Variants in RADIL observed in about 807,000 individuals in gnomAD.
The protein encoded by RADIL is Rap associating with DIL domain.
Under a neutral mutation model 97.6 loss-of-function variants are expected in RADIL, and 99 were observed. The ratio of observed to expected loss-of-function variants is 1.01; its 90% CI spans 0.86 to 1.20. The LOEUF (loss-of-function observed/expected upper bound fraction) is 1.20. Ranked by LOEUF, RADIL falls within the 50% of genes most tolerant of loss-of-function variation. The probability of loss-of-function intolerance (pLI) is 0.00; values close to 1 mark genes in which losing one functional copy is unlikely to be tolerated. For synonymous variants in RADIL, 803 were observed against 691.8 expected (o/e 1.16, Z -2.52); for missense variants, 1,765 against 1,498.9 (o/e 1.18, Z -2.93).
chr7:4,864,324 C>G (rs1368130585), intron 2 of RADIL, among the ~76,000 whole-genome samples: 1 of 152,216 alleles, frequency 6.6e-6, no homozygotes, highest in Non-Finnish European at 1.5e-5. Context: ...TACTTGACCT[C>G]TAAATGTTGG....
intron 12 of RADIL, among the ~76,000 whole-genome samples, chr7:4,801,078 G>A (rs114490590): frequency 0.013 from 2,008 of 151,786 alleles, 45 homozygotes; most frequent in African/African-American, 0.046. Flanking sequence ...CCATGCACAC[G>A]TGCACTTACA....
Position 4,880,328 on chromosome 7 carries a change from C to T in RADIL, c.-64-2125G>A, listed in dbSNP as rs1337198315. On this transcript the variant is annotated intron_variant, in intron 1 of 14. Coordinates refer to ENST00000399583, the MANE Select transcript of RADIL (RefSeq NM_018059.5). The surrounding 1 kb of genome is among the most constrained non-coding windows in gnomAD (Gnocchi z 4.5). The stretch of plus-strand genomic sequence containing the variant: ...GCTTCCCCCACGGACTCATCAAAGG[C>T]CTCGGTTTCATTTACAACAAAAGCA... Among the ~76,000 whole-genome samples the T allele has an allele frequency of 6.6e-6, 1 of 152,162 alleles. No individual in the cohort carries two copies. The highest frequency in any genetic ancestry group is 1.5e-5 in the Non-Finnish European group (1 of 68,032).
rs1782719280 is a variant in RADIL, at chr7:4,817,869, G to A, written c.1616-518C>T. Among the ~76,000 whole-genome samples, 1 of 152,180 alleles carries A rather than the reference G, an allele frequency of 6.6e-6. No individual in the cohort carries two copies. On this transcript the variant is annotated intron_variant, in intron 6 of 14. Coordinates refer to ENST00000399583, the MANE Select transcript of RADIL (RefSeq NM_018059.5). This position sits in a 1 kb window ranked among gnomAD's most constrained non-coding sequence, Gnocchi z 8.3. ...CGGGGCGGCTGGAGCTGAGGCTGGG[G>A]GGAGCTGCCCACGGAGTGGTTCCTG...
At chr7:4,846,424 C>T (rs1251228931) in intron 2 of RADIL, among the ~76,000 whole-genome samples, 1 of 151,810 alleles carries the variant, frequency 6.6e-6, no homozygotes, top group Non-Finnish European at 1.5e-5. Flanking sequence ...GGATTACAGG[C>T]GTGAGCCACC....
Position 4,823,796 on chromosome 7 carries a change from G to C in RADIL, c.1455-1242C>G, listed in dbSNP as rs1389571427. Among the ~76,000 whole-genome samples, 3 of 152,216 alleles carry C rather than the reference G, an allele frequency of 2.0e-5. No individual in the cohort carries two copies. The East Asian group carries it at 5.8e-4, about 29-fold the overall frequency. ...CTTCTAGTGTCCTCAGCAGCCTCTT[G>C]GAACGTCTGAGGGGTGGACGTGGCA... On this transcript the variant is annotated intron_variant, in intron 5 of 14. Transcript: ENST00000399583.
rs984214859 is a variant in RADIL at position 4,854,071 on chromosome 7, G to A, written c.536-17466C>T. On this transcript the variant is annotated intron_variant, in intron 2 of 14. Coordinates refer to ENST00000399583, the MANE Select transcript of RADIL (RefSeq NM_018059.5). The surrounding 1 kb of genome is among the most constrained non-coding windows in gnomAD (Gnocchi z 5.1). ...TGCAGGTACACCTTTGCCATTCCCC[G>A]TCTTCCTTCTTTCTTCCTGCCTTAA... Among the ~76,000 whole-genome samples the A allele has an allele frequency of 1.3e-5, 2 of 152,144 alleles. No homozygotes were observed. Among genetic ancestry groups the A allele is most frequent in the Non-Finnish European group, 2.9e-5 (2 of 68,038 alleles).
At chr7:4,828,000 C>T (rs750987065) in intron 5 of RADIL, among the ~76,000 whole-genome samples, 15 of 152,046 alleles carry the variant, frequency 9.9e-5, no homozygotes, top group Non-Finnish European at 1.8e-4. Flanking sequence ...CACTAATTCT[C>T]GGGGAGATGC....
At chr7:4,811,383 A>G (rs1782540111) in intron 9 of RADIL, 2 of 148,866 alleles carry the variant, frequency 1.3e-5, no homozygotes, top group South Asian at 2.1e-4. Flanking sequence ...CCCCTTTTCG[A>G]GTTTTGCTGT....
At position 4,834,928 on chromosome 7, in the gene RADIL, G is replaced by A. The variant is rs1392145101; in HGVS notation, c.1095C>T (p.Pro365=). 9 of 1,579,588 alleles carry A rather than the reference G, an allele frequency of 5.7e-6. No individual in the cohort carries two copies. The highest frequency in any genetic ancestry group is 4.3e-6 in the Non-Finnish European group (5 of 1,163,550). ...FKDPAQAQPL[P]ARALARLRAV... ...CCCGGAGGCGCGCCAAGGCCCGGGC[G>A]GGCAGGGGCTGGGCCTGCGCGGGGT... The change falls in exon 4 of 15, where the codon CCC becomes CCT. Residue 365 remains proline (P), a synonymous_variant. Transcript: ENST00000399583. This position sits in a 1 kb window ranked among gnomAD's most constrained non-coding sequence, Gnocchi z 6.0.
rs920001143 is a variant in RADIL, at chr7:4,842,564, A to G, written c.536-5959T>C. Reference sequence around the variant, plus strand: ...GGACAAGCAGCTGGTGACCGTCACCAGCTCCCACGGACTCTGAACAGCCCT... The same window carrying G: ...GGACAAGCAGCTGGTGACCGTCACCGGCTCCCACGGACTCTGAACAGCCCT... On this transcript the variant is annotated intron_variant, in intron 2 of 14. Transcript: ENST00000399583. The surrounding 1 kb of genome is among the most constrained non-coding windows in gnomAD (Gnocchi z 4.5). 3.3e-5 allele frequency among the ~76,000 whole-genome samples: 5 copies of G among 152,162 alleles called. No individual in the cohort carries two copies. Among genetic ancestry groups the G allele is most frequent in the Admixed American group, 6.5e-5 (1 of 15,286 alleles).
At chr7:4,831,445 C>G (rs939823315) in intron 5 of RADIL, among the ~76,000 whole-genome samples, 6 of 151,848 alleles carry the variant, frequency 4.0e-5, no homozygotes, top group Non-Finnish European at 8.8e-5. Flanking sequence ...AGGCTTAATA[C>G]CTGGGTGATG....
Position 4,880,090 on chromosome 7 carries a change from G to T in RADIL, c.-64-1887C>A, listed in dbSNP as rs1187855998. On this transcript the variant is annotated intron_variant, in intron 1 of 14. Transcript: ENST00000399583. This position sits in a 1 kb window ranked among gnomAD's most constrained non-coding sequence, Gnocchi z 4.5. Reference sequence around the variant, plus strand: ...AGCCCACTGCGGACACTTCACCACGGCAAAGGCTTTCGCTGTGCCTGGCTT... The same window carrying T: ...AGCCCACTGCGGACACTTCACCACGTCAAAGGCTTTCGCTGTGCCTGGCTT... Among the ~76,000 whole-genome samples the T allele has an allele frequency of 6.6e-6, 1 of 152,176 alleles. No homozygotes were observed. The highest frequency in any genetic ancestry group is 1.5e-5 in the Non-Finnish European group (1 of 68,050).
At chr7:4,843,754 A>C (rs1212151873) in intron 2 of RADIL, among the ~76,000 whole-genome samples, 2 of 152,124 alleles carry the variant, frequency 1.3e-5, no homozygotes, top group Non-Finnish European at 2.9e-5. Context: ...TCTACCAAAA[A>C]TACAAAAATT....
Position 4,879,443 on chromosome 7 carries a change from T to C in RADIL, c.-64-1240A>G, listed in dbSNP as rs1311766273. Among the ~76,000 whole-genome samples, 2 of 152,178 alleles carry C rather than the reference T, an allele frequency of 1.3e-5. No homozygotes were observed. The highest frequency in any genetic ancestry group is 2.9e-5 in the Non-Finnish European group (2 of 68,028). ...CTGCGCACACATCTCCCCATTACTG[T>C]ACCCCACTTCCGTGCTCATGTTCTC... On this transcript the variant is annotated intron_variant, in intron 1 of 14. Coordinates refer to ENST00000399583, the MANE Select transcript of RADIL (RefSeq NM_018059.5). The surrounding 1 kb of genome is among the most constrained non-coding windows in gnomAD (Gnocchi z 4.1).
At chr7:4,861,602 T>C (rs769113698) in intron 2 of RADIL, 2 of 1,612,020 alleles carry the variant, frequency 1.2e-6, no homozygotes, top group South Asian at 1.1e-5. Flanking sequence ...TACCAGATTA[T>C]TTAATTTTTC....
At chr7:4,843,134 G>A (rs1435703117) in intron 2 of RADIL, among the ~76,000 whole-genome samples, 1 of 151,372 alleles carries the variant, frequency 6.6e-6, no homozygotes, top group Admixed American at 6.6e-5. Flanking sequence ...AGTCTCCCGA[G>A]TAGCTAGGAT....
At chr7:4,838,197 G>A (rs867295417) in intron 2 of RADIL, 23 of 277,658 alleles carry the variant, frequency 8.3e-5, no homozygotes, top group Admixed American at 3.2e-4. Context: ...CCAGCAGGTG[G>A]GGCCCAGTTC....
intron 2 of RADIL, among the ~76,000 whole-genome samples, chr7:4,874,147 A>C (rs1784315480): frequency 6.6e-6 from 1 of 152,230 alleles, no homozygotes; most frequent in South Asian, 2.1e-4. Flanking sequence ...ACCCACGGAA[A>C]GGCCGTGCAG....
At chr7:4,827,079 G>A (rs1297336300) in intron 5 of RADIL, among the ~76,000 whole-genome samples, 1 of 152,100 alleles carries the variant, frequency 6.6e-6, no homozygotes, top group Admixed American at 6.6e-5. Flanking sequence ...AGAATCATCA[G>A]GACAGGCCAG....
Sources: gnomAD v4.1 joint callset for allele counts (sites outside exome capture counted in the v4.1 genomes callset) on GRCh38, gnomAD v4.1.1 for gene constraint, Gnocchi (gnomAD v3.1) non-coding constraint, MANE v1.5 for transcripts, NCBI Gene and HGNC (gene_info 2026-07-23, HGNC 2026-07-21) for gene names.